ELMO1: variants seen among roughly 807,000 people sequenced by gnomAD.
ELMO1 encodes engulfment and cell motility 1, also known as engulfment and cell motility protein 1.
ELMO1 carries 26 observed loss-of-function variants against 98.9 expected under a neutral mutation model. That is an observed-to-expected ratio of 0.26 (90% confidence interval 0.19 to 0.36). ELMO1 has a LOEUF of 0.36. Among genes scored for constraint, ELMO1 ranks in the 10% least tolerant of loss-of-function variants. The pLI is 1.00. For synonymous variants in ELMO1, 346 were observed against 346.0 expected (o/e 1.00, Z 0.00); for missense variants, 627 against 935.2 (o/e 0.67, Z 4.30).
At chr7:37,412,268 A>C (rs1282658815) in intron 1 of ELMO1, among the ~76,000 whole-genome samples, 1 of 152,208 alleles carries the variant, frequency 6.6e-6, no homozygotes, top group Non-Finnish European at 1.5e-5. Flanking sequence ...GCTTCCAGAG[A>C]GTTCTATTCT....
intron 16 of ELMO1, among the ~76,000 whole-genome samples, chr7:36,935,058 AC>A (rs1786393553): frequency 6.6e-6 from 1 of 152,114 alleles, no homozygotes; most frequent in Non-Finnish European, 1.5e-5. Context: ...CTGTGTCCTC[AC>A]CCAAACCCCA....
intron 15 of ELMO1, among the ~76,000 whole-genome samples, chr7:37,039,133 A>T (rs78493745): frequency 0.021 from 3,193 of 149,338 alleles, 56 homozygotes; most frequent in East Asian, 0.059. Flanking sequence ...TCCAATTTTT[A>T]AAAAAAAAAG....
intron 5 of ELMO1, among the ~76,000 whole-genome samples, chr7:37,260,490 G>C (rs1282309795): frequency 6.6e-6 from 1 of 152,084 alleles, no homozygotes. Flanking sequence ...CTGGAATAGG[G>C]GAGGGAATCC....
intron 4 of ELMO1, among the ~76,000 whole-genome samples, chr7:37,276,375 C>G (rs563400325): frequency 2.6e-5 from 4 of 152,148 alleles, no homozygotes; most frequent in African/African-American, 9.6e-5. Flanking sequence ...TTGGGAGGCC[C>G]AGGCAGGCAG....
rs1312459735 is a variant in ELMO1 at position 37,193,911 on chromosome 7, AG to A, written c.1086+17474del. ...ACACACTTAGAGAAGAACCCACTCTAGGCTTCAGCAAATGATCTCACCCGGT... is the reference window on the plus strand; with the variant it reads ...ACACACTTAGAGAAGAACCCACTCTAGCTTCAGCAAATGATCTCACCCGGT... On this transcript the variant is annotated intron_variant, in intron 13 of 21. Transcript: ENST00000310758. Among the ~76,000 whole-genome samples the A allele has an allele frequency of 2.0e-5, 3 of 152,206 alleles. No homozygotes were observed. In the East Asian group the frequency reaches 5.8e-4, roughly 29 times the overall value.
At chr7:37,300,777 G>T (rs889786348) in intron 4 of ELMO1, among the ~76,000 whole-genome samples, 1 of 150,086 alleles carries the variant, frequency 6.7e-6, no homozygotes, top group Non-Finnish European at 1.5e-5. Flanking sequence ...AATGATGCTG[G>T]CCTCATAAAT....
chr7:36,917,840 T>C (rs368525146), intron 16 of ELMO1, among the ~76,000 whole-genome samples: 31 of 152,280 alleles, frequency 2.0e-4, no homozygotes, highest in East Asian at 1.5e-3. Flanking sequence ...TGAGTGTCTA[T>C]CAACTGGGGA....
At chr7:37,102,612 G>C (rs1784699691) in intron 14 of ELMO1, among the ~76,000 whole-genome samples, 1 of 152,194 alleles carries the variant, frequency 6.6e-6, no homozygotes, top group Admixed American at 6.5e-5. Context: ...TTTATAGAAA[G>C]CATTTCTCTC....
chr7:37,133,391 G>A (rs1207079811), intron 13 of ELMO1, among the ~76,000 whole-genome samples, 157 bp from the exon 14 acceptor site: 2 of 152,168 alleles, frequency 1.3e-5, no homozygotes, highest in Non-Finnish European at 2.9e-5. Context: ...ACCTACTGAG[G>A]TGGATGCAGG....
chr7:36,952,964 CTT>C lies in ELMO1; in HGVS notation c.1438-57949_1438-57948del, dbSNP rs70980904. 8.0e-3 allele frequency among the ~76,000 whole-genome samples: 666 copies of C among 82,790 alleles called. 1 individual carries two copies. The highest frequency in any genetic ancestry group is 0.028 in the African/African-American group (611 of 21,690). The allele number at this position is 82,790 out of a possible 152,430, so 54.3% of individuals were successfully genotyped here. A position where few individuals can be genotyped will look rare whatever the true frequency, so the allele number is the denominator to read the frequency against. On this transcript the variant is annotated intron_variant, in intron 16 of 21. Coordinates refer to ENST00000310758, the MANE Select transcript of ELMO1 (RefSeq NM_014800.11). ...GTGCCAAATAATGGAAGTCACTACTCTTTTTTTTTTTTTTTTTTTTTTTTTGA... is the reference window on the plus strand; with the variant it reads ...GTGCCAAATAATGGAAGTCACTACTCTTTTTTTTTTTTTTTTTTTTTTTGA...
intron 16 of ELMO1, among the ~76,000 whole-genome samples, chr7:36,920,644 G>T (rs1334666279): frequency 6.6e-6 from 1 of 151,966 alleles, no homozygotes; most frequent in Non-Finnish European, 1.5e-5. Flanking sequence ...AAAAAATCTG[G>T]CATAAAACAT....
chr7:37,151,755 GT>G (rs1788375197), intron 13 of ELMO1, among the ~76,000 whole-genome samples: 1 of 152,178 alleles, frequency 6.6e-6, no homozygotes, highest in African/African-American at 2.4e-5. Context: ...TTAAAAATCA[GT>G]GTTGAAATTA....
chr7:37,323,812 G>A (rs1315648530), intron 2 of ELMO1, among the ~76,000 whole-genome samples: 10 of 152,124 alleles, frequency 6.6e-5, no homozygotes, highest in East Asian at 3.9e-4. Flanking sequence ...CCTCTGAGCC[G>A]TCTTCTAGGT....
chr7:37,341,555 A>T (rs1800723436), intron 2 of ELMO1, among the ~76,000 whole-genome samples: 1 of 152,188 alleles, frequency 6.6e-6, no homozygotes, highest in South Asian at 2.1e-4. Flanking sequence ...TTTTGACAAA[A>T]ATCCCAAAAA....
chr7:36,967,979 T>C (rs1472224175), intron 16 of ELMO1, among the ~76,000 whole-genome samples: 7 of 152,212 alleles, frequency 4.6e-5, no homozygotes, highest in African/African-American at 1.7e-4. Context: ...TTTAGTAAGT[T>C]TATTATCTAA....
At chr7:37,219,788 A>G (rs746782768) in intron 10 of ELMO1, among the ~76,000 whole-genome samples, 1 of 152,250 alleles carries the variant, frequency 6.6e-6, no homozygotes, top group Non-Finnish European at 1.5e-5. Flanking sequence ...TAAAACAGAA[A>G]TAATGTGGCT....
At chr7:37,123,906 G>A (rs956486562) in intron 14 of ELMO1, among the ~76,000 whole-genome samples, 8 of 152,122 alleles carry the variant, frequency 5.3e-5, no homozygotes, top group African/African-American at 9.7e-5. Flanking sequence ...CTGGCAAACC[G>A]AATCCAGCAG....
At chr7:37,006,477 C>T (rs962849175) in intron 16 of ELMO1, among the ~76,000 whole-genome samples, 3 of 152,150 alleles carry the variant, frequency 2.0e-5, no homozygotes, top group Non-Finnish European at 4.4e-5. Context: ...CTGTGAGGGG[C>T]CAACTGGGAC....
In ELMO1 at chr7:36,970,035, T is replaced by C. The variant is rs140158343; in HGVS notation, c.1437+43264A>G. Among the ~76,000 whole-genome samples the C allele has an allele frequency of 1.8e-4, 27 of 152,252 alleles. No individual in the cohort carries two copies. In the East Asian group the frequency reaches 3.1e-3, roughly 17 times the overall value. ...TAAAAATATGTACTAAAGAATACTA[T>C]ACTAAAAATAAAACTCTTCTTCTGG... is the stretch of plus-strand genomic sequence containing the variant. On this transcript the variant is annotated intron_variant, in intron 16 of 21. Coordinates refer to ENST00000310758, the MANE Select transcript of ELMO1 (RefSeq NM_014800.11).
Sources: gnomAD v4.1 joint callset for allele counts (sites outside exome capture counted in the v4.1 genomes callset) on GRCh38, gnomAD v4.1.1 for gene constraint, MANE v1.5 for transcripts, NCBI Gene and HGNC (gene_info 2026-07-23, HGNC 2026-07-21) for gene names.